Variants in PDE4D observed in about 807,000 individuals in gnomAD.
PDE4D encodes the protein 3',5'-cyclic-AMP phosphodiesterase 4D.
A neutral mutation model predicts 87.4 loss-of-function variants in PDE4D; 24 were observed. The observed-to-expected ratio is 0.27, with a 90% CI of 0.20 to 0.39. The LOEUF is 0.39. Among genes scored for constraint, PDE4D ranks in the 10% least tolerant of loss-of-function variants. The pLI is 1.00. For synonymous variants in PDE4D, 384 were observed against 383.2 expected, an observed-to-expected ratio of 1.00 and a Z score of -0.02; for missense variants, 714 against 1,041.0, an observed-to-expected ratio of 0.69 and a Z score of 4.32.
chr5:60,126,799 C>T (rs576061688), intron 2 of PDE4D, among the ~76,000 whole-genome samples: 9 of 152,240 alleles, frequency 5.9e-5, no homozygotes, highest in Non-Finnish European at 1.3e-4. Flanking sequence ...AACAAAGATG[C>T]TTATTGGATT....
chr5:59,807,051 C>T (rs1440104114), intron 1 of PDE4D, among the ~76,000 whole-genome samples: 2 of 152,136 alleles, frequency 1.3e-5, no homozygotes, highest in Admixed American at 1.3e-4. Flanking sequence ...CCCAGGTGCC[C>T]TGGGAGTGAT....
At chr5:59,485,106 C>T (rs1197525647) in intron 1 of PDE4D, among the ~76,000 whole-genome samples, 1 of 152,202 alleles carries the variant, frequency 6.6e-6, no homozygotes, top group Non-Finnish European at 1.5e-5. Context: ...TATTGTGGTA[C>T]TATCTGCAAT....
intron 5 of PDE4D, among the ~76,000 whole-genome samples, chr5:59,173,942 T>C (rs777887316): frequency 7.2e-5 from 11 of 152,192 alleles, no homozygotes; most frequent in Non-Finnish European, 1.3e-4. Context: ...TAAAAAACTA[T>C]ATATACTACT....
At position 59,950,975 on chromosome 5, in the gene PDE4D, A is replaced by C. The variant is rs529309384; in HGVS notation, c.272+37513T>G. Among the ~76,000 whole-genome samples the C allele has an allele frequency of 3.3e-5, 5 of 152,232 alleles. No homozygotes were observed. The South Asian group carries it at 8.3e-4, about 25-fold the overall frequency. The stretch of plus-strand genomic sequence containing the variant: ...TACAGAAGAAGAGCAATTTCAAAAA[A>C]AATTGTCAATATTATTAGCAATATT... On this transcript the variant is annotated intron_variant, in intron 3 of 16. Transcript: ENST00000502484.
intron 1 of PDE4D, among the ~76,000 whole-genome samples, chr5:59,400,771 CTA>C (rs1790461350): frequency 6.6e-6 from 1 of 151,954 alleles, no homozygotes; most frequent in East Asian, 1.9e-4. Context: ...TACAACATTC[CTA>C]TGAGTTTAGC....
At chr5:59,611,156 G>C (rs975820068) in intron 1 of PDE4D, among the ~76,000 whole-genome samples, 1 of 152,168 alleles carries the variant, frequency 6.6e-6, no homozygotes, top group African/African-American at 2.4e-5. Context: ...AGTCCTAGAA[G>C]CTAAGAAGTC....
At chr5:60,188,858 T>C (rs1045878262) in intron 1 of PDE4D, among the ~76,000 whole-genome samples, 1 of 152,212 alleles carries the variant, frequency 6.6e-6, no homozygotes, top group Non-Finnish European at 1.5e-5. Context: ...TTTTGTCTAC[T>C]CTTCCATAGT....
At chr5:59,078,556 T>G (rs1766109326) in intron 5 of PDE4D, among the ~76,000 whole-genome samples, 1 of 151,728 alleles carries the variant, frequency 6.6e-6, no homozygotes, top group Non-Finnish European at 1.5e-5. Flanking sequence ...ACACCCAGGT[T>G]AGAGTGCAGT....
At chr5:59,543,705 G>A (rs571387614) in intron 1 of PDE4D, among the ~76,000 whole-genome samples, 3 of 152,000 alleles carry the variant, frequency 2.0e-5, no homozygotes, top group East Asian at 1.9e-4. Flanking sequence ...GTTCCCATCC[G>A]TCTGGATGGA....
rs996838215 is a variant in PDE4D, at chr5:59,070,062, C to T, written c.809-31091G>A. The stretch of plus-strand genomic sequence containing the variant: ...TTTTTATACCTCTTAATGTGTATTG[C>T]CAGATAGTTTTTGAGAAATATTACA... On this transcript the variant is annotated intron_variant, in intron 5 of 14. Coordinates refer to ENST00000340635, the MANE Select transcript of PDE4D (RefSeq NM_001104631.2). Among the ~76,000 whole-genome samples, 10 of 152,068 alleles carry T rather than the reference C, an allele frequency of 6.6e-5. No homozygotes were observed. In the East Asian group the frequency reaches 1.9e-3, roughly 29 times the overall value.
intron 1 of PDE4D, among the ~76,000 whole-genome samples, chr5:59,311,329 C>T (rs1362817760): frequency 6.6e-6 from 1 of 151,616 alleles, no homozygotes; most frequent in South Asian, 2.1e-4. Context: ...GACAAAACCC[C>T]GTCTCTACTA....
chr5:59,438,689 A>G (rs915977236), intron 1 of PDE4D, among the ~76,000 whole-genome samples: 3 of 152,152 alleles, frequency 2.0e-5, no homozygotes, highest in Admixed American at 6.5e-5. Flanking sequence ...TGCCTCAACC[A>G]CTTCTGAATG....
intron 1 of PDE4D, among the ~76,000 whole-genome samples, chr5:59,816,357 C>T (rs1002640012): frequency 3.3e-5 from 5 of 152,004 alleles, no homozygotes; most frequent in Admixed American, 6.5e-5. Flanking sequence ...TGGAAAATGG[C>T]GATAAAATGC....
At chr5:59,115,637 C>T (rs1402197710) in intron 5 of PDE4D, among the ~76,000 whole-genome samples, 2 of 152,152 alleles carry the variant, frequency 1.3e-5, no homozygotes, top group African/African-American at 4.8e-5. Flanking sequence ...CCTTTGCTTC[C>T]TTCCTTATGC....
At chr5:60,025,613 A>G (rs1174427927) in intron 2 of PDE4D, among the ~76,000 whole-genome samples, 3 of 152,134 alleles carry the variant, frequency 2.0e-5, no homozygotes, top group African/African-American at 7.2e-5. Context: ...TTCTAATATA[A>G]TGAGAAGAGA....
At chr5:59,418,347 A>G (rs1475804450) in intron 1 of PDE4D, among the ~76,000 whole-genome samples, 2 of 152,112 alleles carry the variant, frequency 1.3e-5, no homozygotes, top group Non-Finnish European at 2.9e-5. Flanking sequence ...GACCACACTC[A>G]ATTTTTTTTC....
intron 13 of PDE4D, among the ~76,000 whole-genome samples, chr5:58,976,126 T>G (rs758619725): frequency 1.1e-4 from 16 of 152,142 alleles, no homozygotes; most frequent in Non-Finnish European, 1.6e-4. Flanking sequence ...TGTGGGGTGT[T>G]TGTTTGTTAG....
chr5:59,043,827 T>C (rs1173470928), intron 5 of PDE4D, among the ~76,000 whole-genome samples: 3 of 152,100 alleles, frequency 2.0e-5, no homozygotes, highest in East Asian at 1.9e-4. Context: ...GTCCTTGTGA[T>C]AGTTTGCTGA....
chr5:60,473,120 AAAGAAAGGAAGG>A lies in PDE4D; in HGVS notation c.-90+14810_-90+14821del, dbSNP rs1476418096. Among the ~76,000 whole-genome samples the A allele has an allele frequency of 1.2e-4, 7 of 57,028 alleles. No individual in the cohort carries two copies. In the East Asian group the frequency reaches 2.1e-3, roughly 17 times the overall value. The allele number at this position is 57,028 out of a possible 152,430, so 37.4% of individuals were successfully genotyped here. On this transcript the variant is annotated intron_variant, in intron 1 of 16. Transcript: ENST00000502484. Reference sequence around the variant, plus strand: ...AAGAAAGAAAGAAAGAGAGAGAGAGAAAGAAAGGAAGGAAGGAAGGAAGGAAGGAAGGAAGGA... The same window carrying A: ...AAGAAAGAAAGAAAGAGAGAGAGAGAAAGGAAGGAAGGAAGGAAGGAAGGA...
Sources: allele counts gnomAD v4.1 joint callset (sites outside exome capture counted in the v4.1 genomes callset), GRCh38; gene constraint gnomAD v4.1.1; transcripts MANE v1.5; gene names NCBI Gene and HGNC (gene_info 2026-07-23, HGNC 2026-07-21).